Variants in HIPK2 observed in about 807,000 individuals in gnomAD.
HIPK2 encodes homeodomain interacting protein kinase 2.
HIPK2 carries 27 observed loss-of-function variants against 113.7 expected under a neutral mutation model. The ratio of observed to expected loss-of-function variants is 0.24; its 90% CI spans 0.17 to 0.33. HIPK2 has a LOEUF of 0.33. HIPK2 is among the 10% of genes least tolerant of loss of function. The pLI is 1.00. For synonymous variants in HIPK2, 631 were observed against 642.2 expected (o/e 0.98, Z 0.26); for missense variants, 1,257 against 1,588.0 (o/e 0.79, Z 3.54).
intron 10 of HIPK2, among the ~76,000 whole-genome samples, chr7:139,601,261 T>G (rs1799415353): frequency 6.6e-6 from 1 of 151,870 alleles, no homozygotes; most frequent in African/African-American, 2.4e-5. Flanking sequence ...AAAAAAAGTT[T>G]CACCTTAATT....
intron 9 of HIPK2, among the ~76,000 whole-genome samples, chr7:139,604,428 T>A (rs1445090402): frequency 6.6e-6 from 1 of 152,134 alleles, no homozygotes; most frequent in Non-Finnish European, 1.5e-5. Flanking sequence ...ACGCCTGTAA[T>A]CCTAGCACTT....
At chr7:139,653,110 A>AGCCT (rs1801522600) in intron 2 of HIPK2, among the ~76,000 whole-genome samples, 1 of 135,794 alleles carries the variant, frequency 7.4e-6, no homozygotes, top group African/African-American at 2.9e-5. Flanking sequence ...CTGCTACTCC[A>AGCCT]GCCTGGGTGA....
At chr7:139,768,328 A>C (rs1025807565) in intron 1 of HIPK2, among the ~76,000 whole-genome samples, 21 of 152,172 alleles carry the variant, frequency 1.4e-4, no homozygotes, top group African/African-American at 4.8e-4. Flanking sequence ...CCCCAGACAG[A>C]GACTACAACA....
At chr7:139,604,746 A>G (rs1304042284) in intron 9 of HIPK2, among the ~76,000 whole-genome samples, 3 of 151,616 alleles carry the variant, frequency 2.0e-5, no homozygotes, top group Admixed American at 6.6e-5. Context: ...AATTAAGTAC[A>G]GGGACACAGC....
chr7:139,750,650 G>C (rs1405464495), intron 1 of HIPK2, among the ~76,000 whole-genome samples: 1 of 152,146 alleles, frequency 6.6e-6, no homozygotes, highest in Non-Finnish European at 1.5e-5. Context: ...GGCCTTCCAG[G>C]GAATAACATT....
intron 2 of HIPK2, among the ~76,000 whole-genome samples, chr7:139,645,464 A>C (rs1488553992): frequency 6.6e-6 from 1 of 152,218 alleles, no homozygotes; most frequent in African/African-American, 2.4e-5. Flanking sequence ...ATATTCCAAT[A>C]AAACAGGTAT....
intron 2 of HIPK2, among the ~76,000 whole-genome samples, chr7:139,684,601 T>G (rs146112122): frequency 1.3e-3 from 204 of 152,282 alleles, no homozygotes; most frequent in African/African-American, 4.6e-3. Context: ...TGTGTACCTA[T>G]AGTCCTAGGT....
chr7:139,660,701 C>T (rs1475211197), intron 2 of HIPK2, among the ~76,000 whole-genome samples: 1 of 152,170 alleles, frequency 6.6e-6, no homozygotes, highest in Admixed American at 6.5e-5. Flanking sequence ...GTCCTTGAGG[C>T]TAGTGCTGAG....
intron 1 of HIPK2, among the ~76,000 whole-genome samples, chr7:139,750,715 G>A (rs567146128): frequency 1.3e-5 from 2 of 152,338 alleles, no homozygotes; most frequent in South Asian, 4.1e-4. Flanking sequence ...ACTGCTGTGA[G>A]AAGAGCTGTA....
intron 2 of HIPK2, among the ~76,000 whole-genome samples, chr7:139,664,946 TAC>T (rs1801995646): frequency 1.3e-5 from 2 of 152,172 alleles, no homozygotes; most frequent in Non-Finnish European, 1.5e-5. Flanking sequence ...CTGACCTTAA[TAC>T]AGAGTGTCTC....
intron 1 of HIPK2, among the ~76,000 whole-genome samples, chr7:139,765,005 G>A (rs1239897888): frequency 2.0e-5 from 3 of 151,928 alleles, no homozygotes; most frequent in African/African-American, 4.8e-5. Flanking sequence ...GCATGGTGGC[G>A]GGTGCTTGTA....
At chr7:139,634,468 T>G (rs1036000360) in intron 2 of HIPK2, among the ~76,000 whole-genome samples, 1 of 152,054 alleles carries the variant, frequency 6.6e-6, no homozygotes, top group Non-Finnish European at 1.5e-5. Flanking sequence ...TGCTGCACCC[T>G]TGTCTTCCAT....
At chr7:139,692,858 C>G (rs903069465) in intron 2 of HIPK2, among the ~76,000 whole-genome samples, 5 of 152,216 alleles carry the variant, frequency 3.3e-5, no homozygotes, top group African/African-American at 1.2e-4. Context: ...ATTTCAGGAG[C>G]CAAGGGCTTG....
chr7:139,640,119 T>C (rs1206992405), intron 2 of HIPK2, among the ~76,000 whole-genome samples: 2 of 152,172 alleles, frequency 1.3e-5, no homozygotes, highest in Non-Finnish European at 2.9e-5. Flanking sequence ...TTTTGGGACA[T>C]CAAAAATACT....
chr7:139,681,612 T>A (rs977808922), intron 2 of HIPK2, among the ~76,000 whole-genome samples: 1 of 152,130 alleles, frequency 6.6e-6, no homozygotes, highest in Non-Finnish European at 1.5e-5. Flanking sequence ...CCTCCTTTCC[T>A]GCAATTCCAA....
At chr7:139,602,412 G>A (rs866820893) in intron 10 of HIPK2, among the ~76,000 whole-genome samples, 18 of 152,292 alleles carry the variant, frequency 1.2e-4, no homozygotes, top group Middle Eastern at 3.4e-3. Context: ...AGAGAGACCA[G>A]GAAGAGAGTA....
intron 2 of HIPK2, among the ~76,000 whole-genome samples, chr7:139,686,518 T>C (rs114978494): frequency 3.3e-3 from 508 of 152,294 alleles, no homozygotes; most frequent in African/African-American, 0.011. Flanking sequence ...GCAGTTGCAT[T>C]CATGCTGTTC....
intron 2 of HIPK2, among the ~76,000 whole-genome samples, chr7:139,642,968 G>C (rs1025590170): frequency 6.6e-6 from 1 of 151,990 alleles, no homozygotes; most frequent in African/African-American, 2.4e-5. Context: ...GAGCTGGGGG[G>C]ACAGACACGA....
At position 139,716,711 on chromosome 7, in the gene HIPK2, G is replaced by A. The variant is rs749545012; in HGVS notation, c.324C>T (p.Leu108=). The A allele has an allele frequency of 7.4e-6, 12 of 1,613,788 alleles. No individual in the cohort carries two copies. Among genetic ancestry groups the A allele is most frequent in the South Asian group, 2.2e-5 (2 of 91,072 alleles). Residue 108 remains leucine (L), a synonymous_variant, in exon 2 of 15, where the codon CTC becomes CTT. Transcript: ENST00000406875. The surrounding 1 kb of genome is among the most constrained non-coding windows in gnomAD (Gnocchi z 9.3). ...GACGCATTAGGTTGTGTGGTCCGCC[G>A]AGGACTTGCCCGGTGACAGAAGTGC... ...ASSTSVTGQV[L]GGPHNLMRRS...
Sources: gnomAD v4.1 joint callset for allele counts (sites outside exome capture counted in the v4.1 genomes callset) on GRCh38, gnomAD v4.1.1 for gene constraint, Gnocchi (gnomAD v3.1) non-coding constraint, MANE v1.5 for transcripts, NCBI Gene and HGNC (gene_info 2026-07-23, HGNC 2026-07-21) for gene names.